Variants in TMEM132C observed in about 807,000 individuals in gnomAD.
TMEM132C encodes the protein transmembrane protein 132C, also known as protein phosphatase 1, regulatory subunit 152.
Under a neutral mutation model 61.4 loss-of-function variants are expected in TMEM132C, and 29 were observed. That is an observed-to-expected ratio of 0.47 (90% CI 0.35 to 0.64). TMEM132C has a LOEUF of 0.64. Among genes scored for constraint, TMEM132C ranks in the 30% least tolerant of loss-of-function variants. TMEM132C has a pLI of 0.00. For synonymous variants in TMEM132C, 656 were observed against 633.1 expected (o/e 1.04, Z -0.54); for missense variants, 1,408 against 1,476.9 (o/e 0.95, Z 0.76).
chr12:128,384,914 G>A (rs994223539), intron 1 of TMEM132C, among the ~76,000 whole-genome samples: 4 of 152,200 alleles, frequency 2.6e-5, no homozygotes, highest in African/African-American at 7.2e-5. Context: ...CACGCAGGAC[G>A]TGGTCCTCTC....
At chr12:128,554,044 T>C (rs115381647) in intron 3 of TMEM132C, among the ~76,000 whole-genome samples, 1,864 of 152,350 alleles carry the variant, frequency 0.012, 41 homozygotes, top group African/African-American at 0.042. Flanking sequence ...GGAAACACTT[T>C]CTGTCCACGT....
intron 1 of TMEM132C, among the ~76,000 whole-genome samples, chr12:128,290,030 G>A (rs754891841): frequency 3.9e-5 from 6 of 152,048 alleles, no homozygotes; most frequent in Non-Finnish European, 8.8e-5. Flanking sequence ...ATCCTATAAT[G>A]TGAAAAAAGG....
chr12:128,268,974 G>A (rs1870418494), intron 1 of TMEM132C, among the ~76,000 whole-genome samples: 1 of 97,802 alleles, frequency 1.0e-5, no homozygotes, highest in Non-Finnish European at 1.9e-5. Flanking sequence ...GGAAAGGGGG[G>A]GCAAGTCGGG....
chr12:128,379,720 T>C (rs1047277716), intron 1 of TMEM132C, among the ~76,000 whole-genome samples: 2 of 152,196 alleles, frequency 1.3e-5, no homozygotes, highest in Non-Finnish European at 2.9e-5. Context: ...CATCTCAAGA[T>C]CTCTTCCTTA....
intron 4 of TMEM132C, among the ~76,000 whole-genome samples, chr12:128,622,343 CAAAAAAAA>C (rs71069584): frequency 9.9e-4 from 16 of 16,104 alleles, no homozygotes; most frequent in African/African-American, 3.0e-3. Context: ...GACTTTGTCT[CAAAAAAAA>C]AAAAAAAAAA....
chr12:128,307,095 C>A (rs1298983228), intron 1 of TMEM132C, among the ~76,000 whole-genome samples: 1 of 152,070 alleles, frequency 6.6e-6, no homozygotes, highest in East Asian at 1.9e-4. Context: ...GGTTCTGAGT[C>A]TTTGGCAAGA....
chr12:128,341,616 G>A (rs7958073), intron 1 of TMEM132C, among the ~76,000 whole-genome samples: 1,728 of 152,292 alleles, frequency 0.011, 30 homozygotes, highest in African/African-American at 0.04. Flanking sequence ...ATGGGCATGA[G>A]TGTGCAGCTT....
chr12:128,573,696 G>A (rs1385627163), intron 3 of TMEM132C, among the ~76,000 whole-genome samples: 1 of 152,090 alleles, frequency 6.6e-6, no homozygotes, highest in African/African-American at 2.4e-5. Context: ...GCCAGAGGCT[G>A]GAGGAGGGAG....
At chr12:128,555,394 G>T (rs1874299356) in intron 3 of TMEM132C, among the ~76,000 whole-genome samples, 1 of 152,156 alleles carries the variant, frequency 6.6e-6, no homozygotes, top group South Asian at 2.1e-4. Flanking sequence ...ACTGCCTTCT[G>T]TAAGAGATAT....
At chr12:128,303,658 G>T (rs752293749) in intron 1 of TMEM132C, among the ~76,000 whole-genome samples, 1 of 152,170 alleles carries the variant, frequency 6.6e-6, no homozygotes, top group Non-Finnish European at 1.5e-5. Context: ...TGCTTGCTAC[G>T]GTAGATTGCA....
intron 4 of TMEM132C, among the ~76,000 whole-genome samples, chr12:128,643,383 C>T (rs964976902): frequency 7.2e-5 from 11 of 152,174 alleles, no homozygotes; most frequent in African/African-American, 2.4e-4. Flanking sequence ...GTGGACCTCA[C>T]GTTCTGGCGG....
At chr12:128,424,874 A>T (rs969735812) in intron 2 of TMEM132C, among the ~76,000 whole-genome samples, 1 of 152,142 alleles carries the variant, frequency 6.6e-6, no homozygotes, top group African/African-American at 2.4e-5. Context: ...TTTGCCCATT[A>T]CTTGACAAGG....
intron 2 of TMEM132C, among the ~76,000 whole-genome samples, chr12:128,539,412 C>T (rs868802469): frequency 1.4e-4 from 21 of 152,222 alleles, no homozygotes; most frequent in South Asian, 1.2e-3. Context: ...GTCAAGAAAT[C>T]GAGACCATCC....
intron 2 of TMEM132C, among the ~76,000 whole-genome samples, chr12:128,522,580 A>G (rs1405591158): frequency 6.6e-6 from 1 of 152,216 alleles, no homozygotes; most frequent in Non-Finnish European, 1.5e-5. Context: ...TCCCACATTT[A>G]CGTGGCGATA....
intron 2 of TMEM132C, among the ~76,000 whole-genome samples, chr12:128,461,251 G>C (rs1402109671): frequency 2.0e-5 from 3 of 152,152 alleles, no homozygotes; most frequent in Admixed American, 6.5e-5. Context: ...TGCCGCAGGA[G>C]TCCAGACAAG....
At chr12:128,345,978 TG>T (rs1873148954) in intron 1 of TMEM132C, among the ~76,000 whole-genome samples, 1 of 152,234 alleles carries the variant, frequency 6.6e-6, no homozygotes, top group Non-Finnish European at 1.5e-5. Context: ...GTGTTCTGAA[TG>T]GTATTGCCTA....
At chr12:128,290,464 C>T (rs1566044001) in intron 1 of TMEM132C, among the ~76,000 whole-genome samples, 1 of 152,112 alleles carries the variant, frequency 6.6e-6, no homozygotes, top group Non-Finnish European at 1.5e-5. Flanking sequence ...CCAGGTCCCT[C>T]CCTTGACATG....
intron 3 of TMEM132C, among the ~76,000 whole-genome samples, chr12:128,565,305 C>A (rs1424660635): frequency 6.6e-6 from 1 of 152,214 alleles, no homozygotes; most frequent in Non-Finnish European, 1.5e-5. Context: ...CTCCTACCAC[C>A]TGGATTTCAG....
chr12:128,292,035 G>C (rs1166602806), intron 1 of TMEM132C, among the ~76,000 whole-genome samples: 1 of 152,060 alleles, frequency 6.6e-6, no homozygotes, highest in African/African-American at 2.4e-5. Context: ...AGGGCTGCGG[G>C]GTGCCCTCCT....
Sources: gnomAD v4.1 joint callset for allele counts (sites outside exome capture counted in the v4.1 genomes callset) on GRCh38, gnomAD v4.1.1 for gene constraint, MANE v1.5 for transcripts, NCBI Gene and HGNC (gene_info 2026-07-23, HGNC 2026-07-21) for gene names.